The following GFRA1 variants were observed in gnomAD, a reference collection of about 807,000 sequenced individuals.
The protein encoded by GFRA1 is GDNF family receptor alpha 1.
In GFRA1, 16 loss-of-function variants were observed where a neutral mutation model predicts 51.6. The observed-to-expected ratio is 0.31, with a 90% confidence interval of 0.21 to 0.47. The LOEUF (loss-of-function observed/expected upper bound fraction) is 0.47, where lower values mean the gene tolerates loss of function less well. Ranked by LOEUF, GFRA1 falls within the 20% of genes least tolerant of loss-of-function variation. The pLI is 1.00. For missense variants in GFRA1, 530 were observed against 594.3 expected (o/e 0.89, Z 1.13); for synonymous variants, 270 against 241.3 (o/e 1.12, Z -1.10).
At chr10:116,123,267 AG>A (rs1473017895) in intron 6 of GFRA1, among the ~76,000 whole-genome samples, 5 of 152,310 alleles carry the variant, frequency 3.3e-5, no homozygotes, top group African/African-American at 1.2e-4. Flanking sequence ...TCAATGAAAC[AG>A]GGGCTTGGAA....
Position 116,131,785 on chromosome 10 carries a change from C to T in GFRA1, c.434-6228G>A, listed in dbSNP as rs543775683. On this transcript the variant is annotated intron_variant, in intron 5 of 10. Transcript: ENST00000355422. ...TTGGCTAGGAAGGAATAAGAGATAA[C>T]TTTCTGGGGGTGATGGTAATGTTCT... Among the ~76,000 whole-genome samples, 5 of 151,448 alleles carry T rather than the reference C, an allele frequency of 3.3e-5. No homozygotes were observed. The South Asian group carries it at 6.2e-4, about 19-fold the overall frequency.
chr10:116,127,836 A>G (rs56241415), intron 5 of GFRA1, among the ~76,000 whole-genome samples: 35,050 of 152,186 alleles, frequency 0.23, 4,074 homozygotes, highest in Middle Eastern at 0.26. Flanking sequence ...TTTCTAAGTT[A>G]TGCATTTTTG....
At chr10:116,235,237 C>T (rs150133794) in intron 4 of GFRA1, among the ~76,000 whole-genome samples, 125 of 152,302 alleles carry the variant, frequency 8.2e-4, no homozygotes, top group Middle Eastern at 3.4e-3. Flanking sequence ...AGGGAAGACA[C>T]ATGTGGCTGA....
rs542329309 is a variant in GFRA1, at chr10:116,084,534, A to G, written c.1197+5207T>C. 1.2e-4 allele frequency among the ~76,000 whole-genome samples: 19 copies of G among 152,150 alleles called. No homozygotes were observed. In the South Asian group the frequency reaches 3.9e-3, roughly 32 times the overall value. ...GCCCCACGGTCTGTCACGCATTTCC[A>G]GGGGCAAGGGGCTGAAGGAAGGCAG... On this transcript the variant is annotated intron_variant, in intron 9 of 10. Transcript: ENST00000355422.
chr10:116,172,625 A>G (rs10885869), intron 5 of GFRA1, among the ~76,000 whole-genome samples: 150,670 of 152,294 alleles, frequency 0.99, 74,548 homozygotes, highest in East Asian at 1. Context: ...GAATGCAGGA[A>G]GCGGCCAGGC....
At chr10:116,097,034 C>T (rs1021138226) in intron 6 of GFRA1, among the ~76,000 whole-genome samples, 2 of 152,056 alleles carry the variant, frequency 1.3e-5, no homozygotes, top group African/African-American at 2.4e-5. Context: ...GTCTTCAGGG[C>T]CTATAACTGG....
chr10:116,201,926 CA>C (rs2134392141), intron 5 of GFRA1, among the ~76,000 whole-genome samples: 1 of 152,298 alleles, frequency 6.6e-6, no homozygotes, highest in Admixed American at 6.5e-5. Context: ...TCAACATGAT[CA>C]TTGATTACAC....
chr10:116,203,703 A>T (rs953039032), intron 5 of GFRA1, among the ~76,000 whole-genome samples: 6 of 152,238 alleles, frequency 3.9e-5, no homozygotes, highest in African/African-American at 9.6e-5. Context: ...TAGAGACTTA[A>T]AAGATGGCTC....
At chr10:116,146,572 G>C (rs554810349) in intron 5 of GFRA1, among the ~76,000 whole-genome samples, 4 of 152,256 alleles carry the variant, frequency 2.6e-5, no homozygotes, top group Admixed American at 2.6e-4. Flanking sequence ...TGGTGAGTCA[G>C]CACCATAGAC....
chr10:116,248,364 C>T (rs1033136806), intron 4 of GFRA1, among the ~76,000 whole-genome samples: 31 of 152,092 alleles, frequency 2.0e-4, no homozygotes, highest in African/African-American at 6.8e-4. Flanking sequence ...GGAAAGGGAG[C>T]GCTGTTCCTT....
intron 6 of GFRA1, among the ~76,000 whole-genome samples, chr10:116,111,886 C>A (rs148984742): frequency 1.2e-3 from 179 of 152,300 alleles, no homozygotes; most frequent in Non-Finnish European, 2.1e-3. Flanking sequence ...CCCTTCCCCA[C>A]GAGGCTGGGC....
chr10:116,127,782 C>T (rs535165935), intron 5 of GFRA1, among the ~76,000 whole-genome samples: 1 of 152,256 alleles, frequency 6.6e-6, no homozygotes, highest in African/African-American at 2.4e-5. Context: ...GCTATTGAGC[C>T]CAGGGCAGTG....
chr10:116,070,678 T>C (rs566493123), intron 9 of GFRA1, among the ~76,000 whole-genome samples: 1 of 151,144 alleles, frequency 6.6e-6, no homozygotes, highest in Non-Finnish European at 1.5e-5. Flanking sequence ...AATTTCTGTA[T>C]ATAAAAAGAA....
At chr10:116,170,122 T>C (rs987491831) in intron 5 of GFRA1, among the ~76,000 whole-genome samples, 93 of 152,190 alleles carry the variant, frequency 6.1e-4, no homozygotes, top group African/African-American at 2.1e-3. Context: ...GGAACTCTCC[T>C]GTCTCAATTG....
chr10:116,115,745 G>C (rs1349147696), intron 6 of GFRA1, among the ~76,000 whole-genome samples: 1 of 151,896 alleles, frequency 6.6e-6, no homozygotes, highest in Non-Finnish European at 1.5e-5. Flanking sequence ...CCTTCCCTGG[G>C]AATTAGAAAA....
chr10:116,248,978 C>G (rs932101364), intron 4 of GFRA1, among the ~76,000 whole-genome samples: 3 of 152,178 alleles, frequency 2.0e-5, no homozygotes, highest in African/African-American at 7.2e-5. Flanking sequence ...GGCCCCACTC[C>G]TTCCCCCAGT....
chr10:116,249,488 T>C (rs1194652631), intron 4 of GFRA1, among the ~76,000 whole-genome samples: 1 of 152,186 alleles, frequency 6.6e-6, no homozygotes, highest in African/African-American at 2.4e-5. Context: ...TGATACGTCC[T>C]AAGTGCTGAC....
At chr10:116,092,668 A>T (rs1208646502) in intron 8 of GFRA1, among the ~76,000 whole-genome samples, 1 of 152,124 alleles carries the variant, frequency 6.6e-6, no homozygotes, top group Non-Finnish European at 1.5e-5. Context: ...AAGGATTCAC[A>T]CTTCAGATCC....
At chr10:116,143,690 G>A (rs555537118) in intron 5 of GFRA1, among the ~76,000 whole-genome samples, 2 of 151,558 alleles carry the variant, frequency 1.3e-5, no homozygotes, top group East Asian at 1.9e-4. Flanking sequence ...CCCATGCAAT[G>A]AACATGGCGA....
Sources: allele counts gnomAD v4.1 joint callset (sites outside exome capture counted in the v4.1 genomes callset), GRCh38; gene constraint gnomAD v4.1.1; transcripts MANE v1.5; gene names NCBI Gene and HGNC (gene_info 2026-07-23, HGNC 2026-07-21).